KIAA1217: variants seen among roughly 807,000 people sequenced by gnomAD.
KIAA1217 encodes the protein sickle tail protein homolog.
A neutral mutation model predicts 163.9 loss-of-function variants in KIAA1217; 88 were observed. The ratio of observed to expected loss-of-function variants is 0.54; its 90% CI spans 0.45 to 0.64. The LOEUF is 0.64. Ranked by LOEUF, KIAA1217 falls within the 30% of genes least tolerant of loss-of-function variation. KIAA1217 has a pLI of 0.00. For synonymous variants in KIAA1217, 903 were observed against 923.1 expected (o/e 0.98, Z 0.39); for missense variants, 2,372 against 2,475.0 (o/e 0.96, Z 0.88).
At chr10:23,909,638 G>A (rs1224248755) in intron 1 of KIAA1217, among the ~76,000 whole-genome samples, 1 of 152,068 alleles carries the variant, frequency 6.6e-6, no homozygotes, top group Admixed American at 6.6e-5. Flanking sequence ...TTTTTTTATG[G>A]CTGCATAGTA....
chr10:24,405,017 T>C (rs913098239), intron 3 of KIAA1217, among the ~76,000 whole-genome samples: 7 of 152,226 alleles, frequency 4.6e-5, no homozygotes, highest in Admixed American at 1.3e-4. Context: ...GGGGTAGCAC[T>C]TGGGGGCCTA....
At chr10:24,378,907 C>T (rs1224845617) in intron 2 of KIAA1217, among the ~76,000 whole-genome samples, 1 of 152,152 alleles carries the variant, frequency 6.6e-6, no homozygotes, top group Non-Finnish European at 1.5e-5. Context: ...GATTTTTCTA[C>T]TTACCTACCA....
chr10:23,838,468 T>C (rs1046441304), intron 1 of KIAA1217, among the ~76,000 whole-genome samples: 1 of 152,102 alleles, frequency 6.6e-6, no homozygotes, highest in Non-Finnish European at 1.5e-5. Flanking sequence ...TTCCTGTTTT[T>C]TTTTTCTTTT....
At chr10:24,222,398 G>T (rs2069780455) in intron 2 of KIAA1217, among the ~76,000 whole-genome samples, 1 of 152,142 alleles carries the variant, frequency 6.6e-6, no homozygotes, top group Non-Finnish European at 1.5e-5. Context: ...ACAGGAAAGG[G>T]GTCCTGATCC....
At chr10:24,149,502 A>G (rs2064501732) in intron 2 of KIAA1217, among the ~76,000 whole-genome samples, 1 of 152,000 alleles carries the variant, frequency 6.6e-6, no homozygotes, top group Non-Finnish European at 1.5e-5. Flanking sequence ...TTTTAATGTA[A>G]GAAAATAGAG....
chr10:23,730,463 T>C (rs1838413890), intron 1 of KIAA1217, among the ~76,000 whole-genome samples: 1 of 152,214 alleles, frequency 6.6e-6, no homozygotes, highest in African/African-American at 2.4e-5. Flanking sequence ...TCTTCAACGT[T>C]ATTTTCTTTC....
At position 24,433,017 on chromosome 10, in the gene KIAA1217, A is replaced by C. The variant is rs2274831; in HGVS notation, c.576A>C (p.Gly192=). ...RSLGVLYLQY[G]DETKQLRMPN... is the part of the protein sequence containing the mutation. ...CAGGGGTTCTCTATCTCCAGTATGG[A>C]GATGAAACCAAGCAGCTCAGGATGC... Residue 192 remains glycine (G), a synonymous_variant, in exon 4 of 21, where the codon GGA becomes GGC. Coordinates refer to ENST00000376454, the MANE Select transcript of KIAA1217 (RefSeq NM_019590.5). 264,916 of 1,613,544 alleles carry C rather than the reference A, an allele frequency of 0.16. 22,688 individuals carry two copies. Among genetic ancestry groups the C allele is most frequent in the African/African-American group, 0.3 (22,227 of 74,934 alleles).
chr10:24,437,677 G>A (rs879589860), intron 4 of KIAA1217, among the ~76,000 whole-genome samples: 9 of 152,096 alleles, frequency 5.9e-5, no homozygotes, highest in Non-Finnish European at 1.0e-4. Flanking sequence ...CTTTTGCTAC[G>A]TTATGACACC....
chr10:24,403,862 G>A (rs368736588), intron 3 of KIAA1217, among the ~76,000 whole-genome samples: 27 of 152,286 alleles, frequency 1.8e-4, no homozygotes, highest in African/African-American at 6.0e-4. Context: ...CACCCAATGC[G>A]GGCAGAGATT....
chr10:23,973,131 T>A (rs1845391159), intron 1 of KIAA1217, among the ~76,000 whole-genome samples: 1 of 152,218 alleles, frequency 6.6e-6, no homozygotes, highest in African/African-American at 2.4e-5. Flanking sequence ...CTCTTTCACT[T>A]CAAAATTGTG....
intron 1 of KIAA1217, among the ~76,000 whole-genome samples, chr10:23,713,849 A>G (rs1328352149): frequency 6.6e-6 from 1 of 152,170 alleles, no homozygotes. Flanking sequence ...CCACCTCTAG[A>G]CAATTTCATT....
chr10:24,523,435 A>G (rs2071606445), intron 12 of KIAA1217, among the ~76,000 whole-genome samples: 1 of 152,222 alleles, frequency 6.6e-6, no homozygotes. Context: ...AAGAAACAGC[A>G]AAAGAAAGAG....
At chr10:24,188,479 C>T (rs888455908) in intron 2 of KIAA1217, among the ~76,000 whole-genome samples, 5 of 152,222 alleles carry the variant, frequency 3.3e-5, no homozygotes, top group African/African-American at 1.2e-4. Context: ...GAACCTCTAG[C>T]CTGTGGCACA....
chr10:24,466,582 T>C (rs896729878), intron 5 of KIAA1217: 200 of 985,282 alleles, frequency 2.0e-4, no homozygotes, highest in South Asian at 6.1e-4. Flanking sequence ...ATGGTCTTTA[T>C]TGGTTGTGAA....
intron 1 of KIAA1217, among the ~76,000 whole-genome samples, chr10:23,719,795 G>A (rs1053648020): frequency 6.7e-6 from 1 of 149,828 alleles, no homozygotes; most frequent in Non-Finnish European, 1.5e-5. Flanking sequence ...GTGCATGCCT[G>A]TAGTCCCAGC....
intron 2 of KIAA1217, among the ~76,000 whole-genome samples, chr10:24,062,879 G>C (rs867359416): frequency 9.4e-4 from 142 of 151,494 alleles, no homozygotes; most frequent in African/African-American, 3.3e-3. Context: ...TGGCATTTCT[G>C]TGATGGCCAG....
At chr10:24,107,484 A>G (rs2062677621) in intron 2 of KIAA1217, among the ~76,000 whole-genome samples, 1 of 152,244 alleles carries the variant, frequency 6.6e-6, no homozygotes. Flanking sequence ...TGGCTAAACT[A>G]GTTTACACTC....
chr10:24,175,938 G>A (rs191468042), intron 2 of KIAA1217, among the ~76,000 whole-genome samples: 80 of 152,286 alleles, frequency 5.3e-4, no homozygotes, highest in African/African-American at 1.9e-3. Flanking sequence ...CCCAAAGAGT[G>A]AGCAGCAGCA....
intron 1 of KIAA1217, among the ~76,000 whole-genome samples, chr10:23,715,049 C>CATAACACTGGTTATGTT: frequency 6.6e-6 from 1 of 152,280 alleles, no homozygotes; most frequent in East Asian, 1.9e-4. Context: ...ATGATGATAA[C>CATAACACTGGTTATGTT]ATCGAGATTG....
Sources: gnomAD v4.1 joint callset for allele counts (sites outside exome capture counted in the v4.1 genomes callset) on GRCh38, gnomAD v4.1.1 for gene constraint, MANE v1.5 for transcripts, NCBI Gene and HGNC (gene_info 2026-07-23, HGNC 2026-07-21) for gene names.